XKR9: variants seen among roughly 807,000 people sequenced by gnomAD.
XKR9 encodes the protein XK-related protein 9.
In XKR9, 32 loss-of-function variants were observed where a neutral mutation model predicts 32.0. That is an observed-to-expected ratio of 1.00 (90% CI 0.76 to 1.34). The LOEUF (loss-of-function observed/expected upper bound fraction) is 1.34, where lower values mean the gene tolerates loss of function less well. XKR9 is among the 40% of genes most tolerant of loss of function. XKR9 has a pLI of 0.00. For synonymous variants in XKR9, 168 were observed against 143.4 expected, an observed-to-expected ratio of 1.17 and a Z score of -1.22; for missense variants, 546 against 429.7, an observed-to-expected ratio of 1.27 and a Z score of -2.39.
chr8:70,880,286 A>T, the XKR9 span, among the ~76,000 whole-genome samples: 61 of 152,238 alleles, frequency 4.0e-4, no homozygotes, highest in African/African-American at 1.4e-3. Flanking sequence ...CAATCAGGCA[A>T]GAAAAAGAAA....
chr8:70,856,564 T>A, the XKR9 span, among the ~76,000 whole-genome samples: 2 of 152,078 alleles, frequency 1.3e-5, no homozygotes. Flanking sequence ...GACAGATCAA[T>A]GAGACAGAAA....
At chr8:71,040,783 T>C in the XKR9 span, among the ~76,000 whole-genome samples, 3 of 152,188 alleles carry the variant, frequency 2.0e-5, no homozygotes, top group Non-Finnish European at 2.9e-5. Flanking sequence ...ACTTATATTT[T>C]AGGAGCTATA....
At chr8:70,834,350 G>A in the XKR9 span, among the ~76,000 whole-genome samples, 1 of 151,982 alleles carries the variant, frequency 6.6e-6, no homozygotes, top group East Asian at 1.9e-4. Context: ...TCTTTGTTGA[G>A]GGACATTTAT....
intron 3 of XKR9, among the ~76,000 whole-genome samples, chr8:70,688,584 T>G (rs1819391356): frequency 1.3e-5 from 2 of 152,038 alleles, no homozygotes; most frequent in African/African-American, 4.8e-5. Context: ...GCCTGGCTAA[T>G]TTTTTGTATT....
the XKR9 span, among the ~76,000 whole-genome samples, chr8:70,879,690 C>T: frequency 1.9e-4 from 29 of 152,022 alleles, no homozygotes; most frequent in South Asian, 2.3e-3. Flanking sequence ...AAAAAAAAAG[C>T]GCAGGACCAG....
At chr8:70,949,284 G>A in the XKR9 span, among the ~76,000 whole-genome samples, 3 of 151,960 alleles carry the variant, frequency 2.0e-5, no homozygotes, top group African/African-American at 7.3e-5. Flanking sequence ...TCTTGTTGAT[G>A]CTTTCTCTAT....
At chr8:71,034,235 C>T in the XKR9 span, among the ~76,000 whole-genome samples, 2 of 152,170 alleles carry the variant, frequency 1.3e-5, no homozygotes, top group Admixed American at 1.3e-4. Flanking sequence ...GGTGGTCCCC[C>T]CATGCTGTTC....
chr8:70,682,424 T>C (rs1034574062), intron 3 of XKR9, among the ~76,000 whole-genome samples: 15 of 152,184 alleles, frequency 9.9e-5, no homozygotes, highest in Non-Finnish European at 2.1e-4. Context: ...TCTACAGAAC[T>C]ATTTTCATCA....
chr8:70,999,387 G>C, the XKR9 span, among the ~76,000 whole-genome samples: 1 of 152,024 alleles, frequency 6.6e-6, no homozygotes, highest in Admixed American at 6.6e-5. Flanking sequence ...TTAATTTTAA[G>C]TTTTTATTAT....
At chr8:70,808,072 A>C in the XKR9 span, among the ~76,000 whole-genome samples, 1 of 152,218 alleles carries the variant, frequency 6.6e-6, no homozygotes, top group Non-Finnish European at 1.5e-5. Context: ...ACAGTCTCTT[A>C]AACCACAGCG....
At chr8:70,827,094 A>G in the XKR9 span, among the ~76,000 whole-genome samples, 153 of 152,258 alleles carry the variant, frequency 1.0e-3, 2 homozygotes, top group African/African-American at 3.4e-3. Flanking sequence ...TTTTAACATG[A>G]TACCATGAAG....
chr8:70,847,742 A>G, the XKR9 span, among the ~76,000 whole-genome samples: 1 of 152,204 alleles, frequency 6.6e-6, no homozygotes, highest in South Asian at 2.1e-4. Flanking sequence ...AAATTCCTGT[A>G]TACATTCAAC....
rs540849907 is a variant in XKR9 at position 70,758,985 on chromosome 8, C to T, written n.353-30354C>T. Among the ~76,000 whole-genome samples, 16 of 152,260 alleles carry T rather than the reference C, an allele frequency of 1.1e-4. No individual in the cohort carries two copies. In the East Asian group the frequency reaches 1.4e-3, roughly 13 times the overall value. On this transcript the variant is annotated intron_variant and non_coding_transcript_variant, in intron 2 of 3. Coordinates refer to the XKR9 transcript ENST00000520273. Reference sequence around the variant, plus strand: ...TGCAGAGGTCTACCTATTGTTCTGACGGGGAGGGATCCTTCAATAAAATTT... The same window carrying T: ...TGCAGAGGTCTACCTATTGTTCTGATGGGGAGGGATCCTTCAATAAAATTT...
At chr8:70,975,226 G>T in the XKR9 span, among the ~76,000 whole-genome samples, 1 of 152,150 alleles carries the variant, frequency 6.6e-6, no homozygotes, top group Non-Finnish European at 1.5e-5. Flanking sequence ...CTTTTGCTGT[G>T]CAGAAGCTCT....
intron 3 of XKR9, among the ~76,000 whole-genome samples, chr8:70,701,468 G>C (rs557976176): frequency 6.6e-6 from 1 of 152,138 alleles, no homozygotes; most frequent in Non-Finnish European, 1.5e-5. Context: ...CTCTCTTAGA[G>C]CCAGGCACAC....
chr8:70,721,073 C>G (rs943403749), intron 4 of XKR9, among the ~76,000 whole-genome samples: 16 of 152,146 alleles, frequency 1.1e-4, no homozygotes, highest in African/African-American at 3.9e-4. Flanking sequence ...TCAAGATTTT[C>G]TAGTTTATTT....
At chr8:70,973,718 C>T in the XKR9 span, among the ~76,000 whole-genome samples, 3 of 152,164 alleles carry the variant, frequency 2.0e-5, no homozygotes, top group Non-Finnish European at 4.4e-5. Flanking sequence ...TCATCATTTA[C>T]CCAACAGTCA....
intron 3 of XKR9, among the ~76,000 whole-genome samples, chr8:70,695,082 C>T (rs1805213088): frequency 6.6e-6 from 1 of 151,158 alleles, no homozygotes; most frequent in African/African-American, 2.4e-5. Context: ...GGAGAATCCC[C>T]TGGCTCTGTG....
At chr8:70,981,305 C>A in the XKR9 span, among the ~76,000 whole-genome samples, 7 of 152,140 alleles carry the variant, frequency 4.6e-5, no homozygotes, top group East Asian at 1.9e-4. Flanking sequence ...GTAACATAGT[C>A]CCAAACTTCT....
Sources: allele counts gnomAD v4.1 joint callset (sites outside exome capture counted in the v4.1 genomes callset), GRCh38; gene constraint gnomAD v4.1.1; transcripts MANE v1.5; gene names NCBI Gene and HGNC (gene_info 2026-07-23, HGNC 2026-07-21).